Variants in CATSPERE observed in about 807,000 individuals in gnomAD.
CATSPERE encodes cation channel sperm-associated auxiliary subunit epsilon.
Under a neutral mutation model 114.1 loss-of-function variants are expected in CATSPERE, and 93 were observed. The observed-to-expected ratio is 0.81, with a 90% CI of 0.69 to 0.97. The LOEUF (loss-of-function observed/expected upper bound fraction) is 0.97, where lower values mean the gene tolerates loss of function less well. Among genes scored for constraint, CATSPERE ranks in the 50% least tolerant of loss-of-function variants. The pLI, the probability that CATSPERE is intolerant of heterozygous loss-of-function variation, is 0.00. For missense variants in CATSPERE, 1,058 were observed against 1,131.6 expected (o/e 0.93, Z 0.93); for synonymous variants, 341 against 384.1 (o/e 0.89, Z 1.31).
intron 20 of CATSPERE, among the ~76,000 whole-genome samples, chr1:244,623,333 C>T (rs1021017765): frequency 6.6e-6 from 1 of 152,154 alleles, no homozygotes; most frequent in Non-Finnish European, 1.5e-5. Context: ...CCACCTTGGC[C>T]TCCCAAAGTG....
At position 244,461,412 on chromosome 1, in the gene CATSPERE, G is replaced by A; in HGVS notation, c.-18G>A. ...ACGGGAGTGGCCGAGGCGGTTGGGC[G>A]GAGGCGGAGCAGGCGCCATGTCAGC... is the stretch of plus-strand genomic sequence containing the variant. On this transcript the variant is annotated 5_prime_UTR_variant, in exon 1 of 22. Transcript: ENST00000366534. 1.5e-6 allele frequency: 2 copies of A among 1,359,722 alleles called. No homozygotes were observed. The highest frequency in any genetic ancestry group is 1.9e-6 in the Non-Finnish European group (2 of 1,046,688). 84.2% of individuals were successfully genotyped at this position (1,359,722 alleles called of 1,614,324 possible).
rs1672177192 is a variant in CATSPERE at position 244,621,140 on chromosome 1, A to T, written c.2648+3454A>T. On this transcript the variant is annotated intron_variant, in intron 20 of 21. Transcript: ENST00000366534. ...TAATATATATATAAATATATATAAA[A>T]TATATATATTATAAAATATATATAT... 1.1e-4 allele frequency among the ~76,000 whole-genome samples: 9 copies of T among 78,392 alleles called. 2 individuals carry two copies. The highest frequency in any genetic ancestry group is 3.3e-4 in the African/African-American group (7 of 21,216). 51.4% of individuals were successfully genotyped at this position (78,392 alleles called of 152,430 possible). A position where few individuals can be genotyped will look rare whatever the true frequency, so the allele number is the denominator to read the frequency against.
At chr1:244,577,471 C>T (rs1665460137) in intron 11 of CATSPERE, among the ~76,000 whole-genome samples, 1 of 152,086 alleles carries the variant, frequency 6.6e-6, no homozygotes, top group African/African-American at 2.4e-5. Flanking sequence ...TAACTCAAAC[C>T]AGGTGGCTTA....
At chr1:244,484,410 T>C (rs1670691235) in intron 5 of CATSPERE, among the ~76,000 whole-genome samples, 1 of 152,202 alleles carries the variant, frequency 6.6e-6, no homozygotes, top group African/African-American at 2.4e-5. Flanking sequence ...TAACACCCAC[T>C]TCTGGTGAGG....
chr1:244,522,780 A>T (rs555886713), intron 8 of CATSPERE, among the ~76,000 whole-genome samples: 33 of 152,268 alleles, frequency 2.2e-4, no homozygotes, highest in African/African-American at 7.2e-4. Flanking sequence ...CCAAGACTAA[A>T]CCAGGAAGAA....
chr1:244,513,117 T>C (rs1003213005), intron 7 of CATSPERE, among the ~76,000 whole-genome samples: 1 of 151,982 alleles, frequency 6.6e-6, no homozygotes, highest in Non-Finnish European at 1.5e-5. Context: ...GGGTGTCAGG[T>C]CCGCAGGCCC....
intron 8 of CATSPERE, among the ~76,000 whole-genome samples, chr1:244,533,024 C>G (rs1173837490): frequency 6.6e-6 from 1 of 151,972 alleles, no homozygotes; most frequent in Admixed American, 6.6e-5. Context: ...CCTTATATGT[C>G]TGGGTGCTTC....
chr1:244,577,506 T>C (rs1413846139), intron 11 of CATSPERE, among the ~76,000 whole-genome samples: 1 of 152,212 alleles, frequency 6.6e-6, no homozygotes, highest in Non-Finnish European at 1.5e-5. Flanking sequence ...TACTTTCTCA[T>C]AGTTCTGGAG....
At chr1:244,628,196 A>T (rs1262083849) in intron 20 of CATSPERE, among the ~76,000 whole-genome samples, 1 of 152,184 alleles carries the variant, frequency 6.6e-6, no homozygotes, top group Non-Finnish European at 1.5e-5. Context: ...ATAGGTTTGT[A>T]TGTATAGGAA....
chr1:244,593,975 G>A (rs1310695011), intron 17 of CATSPERE, among the ~76,000 whole-genome samples: 2 of 152,140 alleles, frequency 1.3e-5, no homozygotes, highest in Admixed American at 6.5e-5. Flanking sequence ...CTAGATTGCC[G>A]ACAAGTACAT....
chr1:244,602,374 G>A (rs1466151267), intron 17 of CATSPERE, among the ~76,000 whole-genome samples: 5 of 152,158 alleles, frequency 3.3e-5, no homozygotes, highest in Non-Finnish European at 7.4e-5. Context: ...TGAGACTCTG[G>A]CAGACTTGAA....
chr1:244,511,183 C>T (rs1675696646), intron 7 of CATSPERE, among the ~76,000 whole-genome samples: 2 of 152,150 alleles, frequency 1.3e-5, no homozygotes, highest in Non-Finnish European at 2.9e-5. Flanking sequence ...TATCCTCTTG[C>T]TGAACTGATT....
intron 8 of CATSPERE, among the ~76,000 whole-genome samples, chr1:244,550,454 A>C (rs1321294053): frequency 6.6e-6 from 1 of 152,218 alleles, no homozygotes; most frequent in Non-Finnish European, 1.5e-5. Flanking sequence ...AAATTGAAAA[A>C]GAGCAGTTTG....
At chr1:244,547,375 A>T (rs1399263560) in intron 8 of CATSPERE, among the ~76,000 whole-genome samples, 1 of 152,222 alleles carries the variant, frequency 6.6e-6, no homozygotes, top group Admixed American at 6.5e-5. Context: ...ATATGAAAAC[A>T]TCTGAAAGTA....
intron 11 of CATSPERE, among the ~76,000 whole-genome samples, chr1:244,577,669 G>A (rs1180615742): frequency 6.6e-6 from 1 of 152,150 alleles, no homozygotes; most frequent in Non-Finnish European, 1.5e-5. Context: ...TCCCATTCAG[G>A]AGGCTGTGCC....
chr1:244,549,104 ATACAGGAGATCCCTTATGCATC>A (rs879741170), intron 8 of CATSPERE, among the ~76,000 whole-genome samples: 1 of 152,218 alleles, frequency 6.6e-6, no homozygotes, highest in Non-Finnish European at 1.5e-5. Context: ...TATGTCTGAA[ATACAGGAGATCCCTTATGCATC>A]TCCTAGTATT....
rs3006051 is a variant in CATSPERE, at chr1:244,519,296, G to A, written c.536+598G>A. 7.2e-3 allele frequency among the ~76,000 whole-genome samples: 1,098 copies of A among 152,280 alleles called. 14 individuals are homozygous for A. The highest frequency in any genetic ancestry group is 0.025 in the African/African-American group (1,023 of 41,550). ...TGCACCAACTCTGGCCTGGAGGAGA[G>A]GGAGTCAGGGAGGACTTTTCTAAAA... On this transcript the variant is annotated intron_variant, in intron 8 of 21. Coordinates refer to ENST00000366534, the MANE Select transcript of CATSPERE (RefSeq NM_001130957.2).
At chr1:244,521,610 T>C (rs1055767448) in intron 8 of CATSPERE, among the ~76,000 whole-genome samples, 3 of 152,210 alleles carry the variant, frequency 2.0e-5, no homozygotes, top group Non-Finnish European at 2.9e-5. Context: ...TAACCTCATA[T>C]TGTACATAAA....
intron 8 of CATSPERE, among the ~76,000 whole-genome samples, chr1:244,533,098 A>T (rs1017471779): frequency 6.6e-6 from 1 of 151,992 alleles, no homozygotes; most frequent in African/African-American, 2.4e-5. Flanking sequence ...CCCCTTTATC[A>T]TTATGTAATA....
Sources: allele counts gnomAD v4.1 joint callset (sites outside exome capture counted in the v4.1 genomes callset), GRCh38; gene constraint gnomAD v4.1.1; transcripts MANE v1.5; gene names NCBI Gene and HGNC (gene_info 2026-07-23, HGNC 2026-07-21).